The following LRMDA variants were observed in gnomAD, a reference collection of about 807,000 sequenced individuals.
LRMDA encodes leucine-rich melanocyte differentiation-associated protein.
A neutral mutation model predicts 29.8 loss-of-function variants in LRMDA; 18 were observed. The observed-to-expected ratio is 0.60, with a 90% confidence interval of 0.42 to 0.90. LRMDA has a LOEUF of 0.90. LRMDA is among the 40% of genes least tolerant of loss of function. The pLI is 0.00. For synonymous variants in LRMDA, 125 were observed against 109.4 expected (o/e 1.14, Z -0.89); for missense variants, 273 against 273.9 (o/e 1.00, Z 0.02).
chr10:76,525,793 A>G (rs1485446654), intron 6 of LRMDA, among the ~76,000 whole-genome samples: 2 of 152,170 alleles, frequency 1.3e-5, no homozygotes, highest in Non-Finnish European at 2.9e-5. Flanking sequence ...ATGTCAAGAG[A>G]ATTGAAGCTA....
rs1850586724 is a variant in LRMDA at position 76,158,604 on chromosome 10, C to T, written c.516+99821C>T. 2.0e-5 allele frequency among the ~76,000 whole-genome samples: 3 copies of T among 152,094 alleles called. No homozygotes were observed. The South Asian group carries it at 6.2e-4, about 32-fold the overall frequency. On this transcript the variant is annotated intron_variant, in intron 5 of 6. Coordinates refer to ENST00000611255, the MANE Select transcript of LRMDA (RefSeq NM_001305581.2). ...GTTAAAATCAGTAACATATCACTAA[C>T]AATATTACTAAAGATGCAACCATTA...
At chr10:75,772,839 C>T (rs1266975428) in intron 2 of LRMDA, among the ~76,000 whole-genome samples, 1 of 100,416 alleles carries the variant, frequency 1.0e-5, no homozygotes, top group Non-Finnish European at 1.8e-5. Flanking sequence ...CCCCTCAGGG[C>T]ACTATTCTTA....
At chr10:75,661,018 A>C (rs1362466910) in intron 2 of LRMDA, among the ~76,000 whole-genome samples, 1 of 152,188 alleles carries the variant, frequency 6.6e-6, no homozygotes, top group Non-Finnish European at 1.5e-5. Flanking sequence ...AGAGCCACAG[A>C]GAAGGCTACC....
At chr10:76,428,808 C>G (rs1011273990) in intron 6 of LRMDA, among the ~76,000 whole-genome samples, 14 of 152,106 alleles carry the variant, frequency 9.2e-5, no homozygotes, top group Non-Finnish European at 2.1e-4. Flanking sequence ...ACTGCTAAAT[C>G]CCAGCAACTT....
chr10:76,171,658 G>C (rs149930581), intron 5 of LRMDA, among the ~76,000 whole-genome samples: 1 of 152,210 alleles, frequency 6.6e-6, no homozygotes. Context: ...CCTGGAGGCT[G>C]TGGGTGATTC....
chr10:75,559,614 A>G (rs1420610621), intron 2 of LRMDA, among the ~76,000 whole-genome samples: 1 of 148,964 alleles, frequency 6.7e-6, no homozygotes, highest in East Asian at 2.0e-4. Context: ...GCCCATGCCT[A>G]TGTCCTGAAT....
chr10:75,750,453 G>T (rs1356919580), intron 2 of LRMDA, among the ~76,000 whole-genome samples: 6 of 143,202 alleles, frequency 4.2e-5, no homozygotes, highest in Admixed American at 1.4e-4. Context: ...TCGCGGCCGG[G>T]CAGAGGCGCT....
chr10:75,606,399 G>A (rs1249668223), intron 2 of LRMDA, among the ~76,000 whole-genome samples: 1 of 152,150 alleles, frequency 6.6e-6, no homozygotes, highest in African/African-American at 2.4e-5. Context: ...TGCAGTGAAG[G>A]TATTGAAACC....
At chr10:75,850,175 ATAAAC>A (rs143754891) in intron 2 of LRMDA, among the ~76,000 whole-genome samples, 2,494 of 152,344 alleles carry the variant, frequency 0.016, 38 homozygotes, top group Middle Eastern at 0.071. Flanking sequence ...CAGGCCAGAC[ATAAAC>A]TAGAAAGAGA....
rs182990929 is a variant in LRMDA, at chr10:75,735,120, C to G, written c.131+296626C>G. On this transcript the variant is annotated intron_variant, in intron 2 of 6. Transcript: ENST00000611255. ...ACTAGTGTATCCCAAGTACCTGCAA[C>G]AGTAGCAGGCACTCAATAAACATTT... 1.3e-3 allele frequency among the ~76,000 whole-genome samples: 193 copies of G among 152,350 alleles called. 1 individual carries two copies. In the South Asian group the frequency reaches 0.015, roughly 12 times the overall value.
chr10:75,838,326 G>A (rs79418930), intron 2 of LRMDA, among the ~76,000 whole-genome samples: 1,554 of 152,184 alleles, frequency 0.01, 31 homozygotes, highest in African/African-American at 0.036. Context: ...ATTGTGTATC[G>A]TCTTATGAAA....
chr10:76,311,152 GT>G (rs934571955), intron 5 of LRMDA, among the ~76,000 whole-genome samples: 17 of 151,676 alleles, frequency 1.1e-4, no homozygotes, highest in Admixed American at 6.5e-5. Flanking sequence ...ATTTGACTCT[GT>G]TTTTAAGTAA....
At chr10:75,913,808 G>A (rs1037488207) in intron 2 of LRMDA, among the ~76,000 whole-genome samples, 2 of 152,206 alleles carry the variant, frequency 1.3e-5, no homozygotes, top group Admixed American at 1.3e-4. Flanking sequence ...ACAGGAGAAC[G>A]TCCTGGAGCC....
chr10:76,058,828 T>C (rs1282570540), intron 5 of LRMDA, 45 bp downstream of exon 5: 28 of 1,463,568 alleles, frequency 1.9e-5, no homozygotes, highest in Non-Finnish European at 2.7e-5. Context: ...TTACATCTCA[T>C]GGCAGTGCTT....
chr10:76,247,747 C>T (rs544116095), intron 5 of LRMDA, among the ~76,000 whole-genome samples: 1 of 152,170 alleles, frequency 6.6e-6, no homozygotes, highest in East Asian at 1.9e-4. Context: ...GTCAGTAGGG[C>T]GTTAGCAAAC....
chr10:76,418,485 G>C (rs927352926), intron 6 of LRMDA, among the ~76,000 whole-genome samples: 1 of 151,924 alleles, frequency 6.6e-6, no homozygotes, highest in Non-Finnish European at 1.5e-5. Flanking sequence ...ATTCTCATAT[G>C]TTTATTTTGA....
intron 2 of LRMDA, among the ~76,000 whole-genome samples, chr10:75,651,471 G>A (rs928448844): frequency 1.3e-5 from 2 of 152,208 alleles, no homozygotes; most frequent in African/African-American, 4.8e-5. Flanking sequence ...AATAGGAAGT[G>A]TTGTGGTCTC....
chr10:76,557,222 G>A lies in LRMDA; in HGVS notation c.615G>A (p.Lys205=), dbSNP rs754798289. Residue 205 remains lysine (K), a synonymous_variant, in exon 7 of 7, where the codon AAG becomes AAA. Transcript: ENST00000611255. ...ELTSHQGVLG[K]CRYVYYGKNS... The stretch of plus-strand genomic sequence containing the variant: ...TTTTATTTGCAGGTGTCCTGGGGAA[G>A]TGTCGCTACGTTTACTATGGGAAAA... 6.2e-7 allele frequency: 1 copy of A among 1,614,136 alleles called. No homozygotes were observed. The highest frequency in any genetic ancestry group is 1.1e-5 in the South Asian group (1 of 91,086).
chr10:75,861,052 G>A (rs1218566332), intron 2 of LRMDA, among the ~76,000 whole-genome samples: 1 of 152,220 alleles, frequency 6.6e-6, no homozygotes. Context: ...ATATACTAAT[G>A]TGTACAAGCT....
Sources: allele counts gnomAD v4.1 joint callset (sites outside exome capture counted in the v4.1 genomes callset), GRCh38; gene constraint gnomAD v4.1.1; transcripts MANE v1.5; gene names NCBI Gene and HGNC (gene_info 2026-07-23, HGNC 2026-07-21).